FER1L6: variants seen among roughly 807,000 people sequenced by gnomAD.
FER1L6 encodes the protein fer-1 like family member 6, also known as fer-1-like protein 6.
In FER1L6, 177 loss-of-function variants were observed where a neutral mutation model predicts 219.2. That is an observed-to-expected ratio of 0.81 (90% CI 0.71 to 0.91). FER1L6 has a LOEUF of 0.91. Ranked by LOEUF, FER1L6 falls within the 40% of genes least tolerant of loss-of-function variation. The pLI is 0.00. For synonymous variants in FER1L6, 768 were observed against 824.3 expected, an observed-to-expected ratio of 0.93 and a Z score of 1.17; for missense variants, 2,153 against 2,259.9, an observed-to-expected ratio of 0.95 and a Z score of 0.96.
chr8:123,926,731 T>A (rs1204366212), intron 1 of FER1L6, among the ~76,000 whole-genome samples: 1 of 152,210 alleles, frequency 6.6e-6, no homozygotes, highest in African/African-American at 2.4e-5. Context: ...CTGGAAGTTT[T>A]CTCTCAGTGT....
In FER1L6 at chr8:124,042,188, T is replaced by C. The variant is rs528305897; in HGVS notation, c.2589+2182T>C. Among the ~76,000 whole-genome samples the C allele has an allele frequency of 8.5e-4, 130 of 152,346 alleles. 1 individual carries two copies. The highest frequency in any genetic ancestry group is 6.8e-3 in the Middle Eastern group (2 of 294). ...ATTATCCTTGTATTTTGTATCTCCA[T>C]ACAGCATCTTCATTTGATTTACATC... is the stretch of plus-strand genomic sequence containing the variant. On this transcript the variant is annotated intron_variant, in intron 20 of 40. Transcript: ENST00000522917.
rs1159014567 is a variant in FER1L6, at chr8:124,035,425, A to G, written c.2435A>G (p.Asn812Ser). 1.9e-6 allele frequency: 3 copies of G among 1,613,338 alleles called. No homozygotes were observed. The highest frequency in any genetic ancestry group is 2.2e-5 in the East Asian group (1 of 44,858). The change falls in exon 19 of 41, where the codon AAT (asparagine) becomes AGT (serine). Residue 812 changes from asparagine to serine, a missense_variant. Coordinates refer to ENST00000522917, the MANE Select transcript of FER1L6 (RefSeq NM_001039112.2). ...AEMSSKGAGT[N>S]HPPSNLLYQE... is the part of the protein sequence containing the mutation. ...ATGTCCTCCAAAGGGGCTGGCACCA[A>G]TCACCCCCCATCTAACCTGCTCTAC... is the stretch of plus-strand genomic sequence containing the variant.
intron 22 of FER1L6, among the ~76,000 whole-genome samples, chr8:124,056,573 G>C (rs1048234024): frequency 2.0e-5 from 3 of 152,208 alleles, no homozygotes; most frequent in African/African-American, 4.8e-5. Context: ...AGAGGTCTGA[G>C]TTAGATGATT....
intron 12 of FER1L6, among the ~76,000 whole-genome samples, chr8:123,995,347 C>T (rs1257046930): frequency 6.6e-6 from 1 of 152,172 alleles, no homozygotes; most frequent in Non-Finnish European, 1.5e-5. Flanking sequence ...ATTTTGATCA[C>T]ATTACTTATT....
At chr8:123,922,155 C>G (rs1370024886) in intron 1 of FER1L6, among the ~76,000 whole-genome samples, 1 of 152,174 alleles carries the variant, frequency 6.6e-6, no homozygotes, top group Non-Finnish European at 1.5e-5. Flanking sequence ...GGAAACAAGC[C>G]AACATGCACC....
rs1274564190 is a variant in FER1L6, at chr8:124,035,336, G to C, written c.2346G>C (p.Trp782Cys). The C allele has an allele frequency of 6.2e-7, 1 of 1,613,998 alleles. No individual in the cohort carries two copies. The highest frequency in any genetic ancestry group is 8.5e-7 in the Non-Finnish European group (1 of 1,179,994). The change falls in exon 19 of 41, where the codon TGG becomes TGC. Residue 782 changes from tryptophan (W) to cysteine (C), a missense_variant. Transcript: ENST00000522917. ...SVQAKVDVYL[W>C]LGSIKHASAI... ...AAGCAAAAGTCGACGTGTACCTGTG[G>C]CTGGGCTCCATCAAGCATGCCAGTG...
chr8:124,051,769 A>G (rs1282660201), intron 22 of FER1L6, among the ~76,000 whole-genome samples: 1 of 152,140 alleles, frequency 6.6e-6, no homozygotes, highest in Non-Finnish European at 1.5e-5. Flanking sequence ...TTGTATTCAA[A>G]CCCAGACCCT....
intron 5 of FER1L6, among the ~76,000 whole-genome samples, chr8:123,968,385 G>T (rs1358340486): frequency 2.0e-5 from 3 of 152,122 alleles, no homozygotes; most frequent in African/African-American, 7.2e-5. Flanking sequence ...CAAGCCTAAA[G>T]TTCATCAGAT....
Position 124,059,729 on chromosome 8 carries a change from T to G in FER1L6, c.2875-451T>G, listed in dbSNP as rs536186488. Among the ~76,000 whole-genome samples, 133 of 152,332 alleles carry G rather than the reference T, an allele frequency of 8.7e-4. 1 individual carries two copies. The highest frequency in any genetic ancestry group is 3.1e-3 in the African/African-American group (129 of 41,572). On this transcript the variant is annotated intron_variant, in intron 22 of 40. Transcript: ENST00000522917. ...ACATCCTTTTATTGTAGTAGTAGTA[T>G]TAGTATTAGTAGCAGTAGTAGTGCA...
At chr8:124,051,192 G>A (rs995690625) in intron 22 of FER1L6, among the ~76,000 whole-genome samples, 38 of 152,142 alleles carry the variant, frequency 2.5e-4, no homozygotes, top group African/African-American at 8.7e-4. Context: ...TGCCAGGTCG[G>A]CTGACACCTT....
intron 11 of FER1L6, among the ~76,000 whole-genome samples, chr8:123,981,476 T>C (rs371795751): frequency 2.6e-4 from 40 of 152,184 alleles, no homozygotes; most frequent in African/African-American, 9.2e-4. Context: ...GTAGCGGAGG[T>C]AGGTAGATTC....
At chr8:124,052,211 A>G (rs1820073054) in intron 22 of FER1L6, among the ~76,000 whole-genome samples, 1 of 152,202 alleles carries the variant, frequency 6.6e-6, no homozygotes. Context: ...ACTTTCAACG[A>G]GTGATTTTAG....
chr8:124,108,989 G>T (rs1163470912), intron 39 of FER1L6, among the ~76,000 whole-genome samples: 1 of 152,290 alleles, frequency 6.6e-6, no homozygotes, highest in African/African-American at 2.4e-5. Flanking sequence ...TGGCCATGAT[G>T]ATGAATTTTC....
chr8:123,922,590 T>A (rs1439640564), intron 1 of FER1L6, among the ~76,000 whole-genome samples: 1 of 152,072 alleles, frequency 6.6e-6, no homozygotes. Context: ...AGGCAGCGCC[T>A]CCTGCTGGTG....
chr8:124,029,721 T>G (rs1042599825), intron 18 of FER1L6, among the ~76,000 whole-genome samples: 9 of 152,230 alleles, frequency 5.9e-5, no homozygotes, highest in Admixed American at 3.3e-4. Context: ...GATTGCCTGT[T>G]TGCTCTGATG....
At chr8:124,096,880 A>G (rs766919167) in intron 35 of FER1L6, among the ~76,000 whole-genome samples, 12 of 152,152 alleles carry the variant, frequency 7.9e-5, no homozygotes, top group Non-Finnish European at 1.8e-4. Flanking sequence ...CATATTGTCT[A>G]TTAAGCATGG....
chr8:123,899,250 T>G (rs908358999), intron 1 of FER1L6, among the ~76,000 whole-genome samples: 1 of 152,170 alleles, frequency 6.6e-6, no homozygotes, highest in Admixed American at 6.5e-5. Context: ...AATTCCCTGA[T>G]CATTAGTGAT....
intron 19 of FER1L6, among the ~76,000 whole-genome samples, chr8:124,037,521 A>G (rs1819273333): frequency 6.6e-6 from 1 of 152,190 alleles, no homozygotes; most frequent in South Asian, 2.1e-4. Context: ...ATTGAGTCCA[A>G]AGCAATCACT....
chr8:124,087,106 T>G (rs534783893), intron 33 of FER1L6, among the ~76,000 whole-genome samples: 2 of 152,308 alleles, frequency 1.3e-5, no homozygotes, highest in East Asian at 3.9e-4. Context: ...AACCTTCTTG[T>G]ACTTGAATAT....
Sources: allele counts gnomAD v4.1 joint callset (sites outside exome capture counted in the v4.1 genomes callset), GRCh38; gene constraint gnomAD v4.1.1; transcripts MANE v1.5; gene names NCBI Gene and HGNC (gene_info 2026-07-23, HGNC 2026-07-21).